RALGAPA2: variants seen among roughly 807,000 people sequenced by gnomAD.
The protein encoded by RALGAPA2 is Ral GTPase activating protein catalytic subunit alpha 2.
RALGAPA2 carries 139 observed loss-of-function variants against 230.4 expected under a neutral mutation model. That is an observed-to-expected ratio of 0.60 (90% CI 0.53 to 0.69). RALGAPA2 has a LOEUF of 0.69. Among genes scored for constraint, RALGAPA2 ranks in the 30% least tolerant of loss-of-function variants. The probability of loss-of-function intolerance (pLI) is 0.00; values close to 1 mark genes in which losing one functional copy is unlikely to be tolerated. For synonymous variants in RALGAPA2, 847 were observed against 837.8 expected, an observed-to-expected ratio of 1.01 and a Z score of -0.19; for missense variants, 2,163 against 2,276.0, an observed-to-expected ratio of 0.95 and a Z score of 1.01.
chr20:20,617,656 A>C (rs949879744), intron 12 of RALGAPA2, among the ~76,000 whole-genome samples: 4 of 152,320 alleles, frequency 2.6e-5, no homozygotes, highest in Admixed American at 1.3e-4. Context: ...ATTTCTTATT[A>C]ATGTGCTGGT....
Position 20,389,903 on chromosome 20 carries a change from A to T in RALGAPA2, c.*3386T>A, listed in dbSNP as rs549176636. On this transcript the variant is annotated 3_prime_UTR_variant, in exon 40 of 40. Coordinates refer to ENST00000202677, the MANE Select transcript of RALGAPA2 (RefSeq NM_020343.4). ...TAACTTAATTTACCATATTTATCAA[A>T]TTTTTTCCTTATTTACATGTACTAA... The T allele has an allele frequency of 1.3e-5, 2 of 152,192 alleles. No homozygotes were observed. The highest frequency in any genetic ancestry group is 4.2e-4 in the South Asian group (2 of 4,814). The allele number at this position is 152,192 out of a possible 1,614,324, so 9.4% of individuals were successfully genotyped here.
chr20:20,627,806 T>TA (rs2066538091), intron 10 of RALGAPA2, among the ~76,000 whole-genome samples: 1 of 152,202 alleles, frequency 6.6e-6, no homozygotes, highest in Admixed American at 6.5e-5. Context: ...TTAATGAAAT[T>TA]AATGTTTTTA....
intron 38 of RALGAPA2, among the ~76,000 whole-genome samples, chr20:20,405,933 A>C (rs1266338111): frequency 6.6e-6 from 1 of 152,278 alleles, no homozygotes; most frequent in Non-Finnish European, 1.5e-5. Flanking sequence ...CCTCCTTTCT[A>C]TTCACTCCTG....
chr20:20,548,324 T>TA (rs1241266848), intron 23 of RALGAPA2, among the ~76,000 whole-genome samples: 1 of 152,210 alleles, frequency 6.6e-6, no homozygotes, highest in Admixed American at 6.5e-5. Flanking sequence ...CTTATCTTCC[T>TA]AAAAAACTTT....
intron 5 of RALGAPA2, among the ~76,000 whole-genome samples, chr20:20,642,606 G>A (rs1214977661): frequency 6.6e-6 from 1 of 152,142 alleles, no homozygotes; most frequent in African/African-American, 2.4e-5. Context: ...TATGTTAACT[G>A]TATTTAAGAG....
chr20:20,578,147 C>A (rs1177207497), intron 20 of RALGAPA2, among the ~76,000 whole-genome samples: 1 of 152,084 alleles, frequency 6.6e-6, no homozygotes, highest in Non-Finnish European at 1.5e-5. Flanking sequence ...TTCTGAGATG[C>A]CTGTATGAGT....
At chr20:20,665,039 T>C (rs1219965028) in intron 3 of RALGAPA2, among the ~76,000 whole-genome samples, 1 of 152,120 alleles carries the variant, frequency 6.6e-6, no homozygotes, top group Non-Finnish European at 1.5e-5. Context: ...AAACAAGTAA[T>C]AGACTTATAA....
intron 37 of RALGAPA2, among the ~76,000 whole-genome samples, chr20:20,442,254 A>G (rs917454610): frequency 1.3e-5 from 2 of 152,270 alleles, no homozygotes; most frequent in Non-Finnish European, 1.5e-5. Context: ...TAAAATATTT[A>G]TCACATCGTA....
At chr20:20,458,593 G>A (rs6035631) in intron 37 of RALGAPA2, among the ~76,000 whole-genome samples, 7,287 of 122,420 alleles carry the variant, frequency 0.06, 425 homozygotes, top group African/African-American at 0.14. Flanking sequence ...AATACAATAA[G>A]AAATATATGA....
chr20:20,617,329 G>A (rs556783642), intron 12 of RALGAPA2, among the ~76,000 whole-genome samples: 6 of 152,218 alleles, frequency 3.9e-5, no homozygotes, highest in Admixed American at 6.5e-5. Flanking sequence ...AGATTAAAAC[G>A]TATTATGTCC....
At chr20:20,599,844 A>ACG (rs1174442783) in intron 16 of RALGAPA2, among the ~76,000 whole-genome samples, 1 of 151,998 alleles carries the variant, frequency 6.6e-6, no homozygotes, top group African/African-American at 2.4e-5. Context: ...ATGGTGGTGC[A>ACG]TGCCTGTAAT....
At chr20:20,510,957 G>C (rs941019667) in intron 33 of RALGAPA2, among the ~76,000 whole-genome samples, 1 of 152,186 alleles carries the variant, frequency 6.6e-6, no homozygotes, top group Admixed American at 6.5e-5. Flanking sequence ...TTCATCATAA[G>C]GAGGTGGTTG....
chr20:20,642,256 G>A (rs2067065932), intron 5 of RALGAPA2, among the ~76,000 whole-genome samples: 1 of 151,878 alleles, frequency 6.6e-6, no homozygotes, highest in Non-Finnish European at 1.5e-5. Context: ...TGTTGCCCAG[G>A]CTGGAGTGCA....
chr20:20,699,110 AC>A (rs1426527498), intron 1 of RALGAPA2, among the ~76,000 whole-genome samples: 15 of 151,902 alleles, frequency 9.9e-5, no homozygotes, highest in Non-Finnish European at 2.1e-4. Flanking sequence ...TTTATTTATC[AC>A]AATTTTTCTG....
chr20:20,569,576 A>C (rs2064557586), intron 23 of RALGAPA2, among the ~76,000 whole-genome samples: 2 of 152,162 alleles, frequency 1.3e-5, no homozygotes, highest in Admixed American at 1.3e-4. Context: ...ATGTAAAAAC[A>C]ATTTTAAGCA....
In RALGAPA2 at chr20:20,624,117, A is replaced by G. The variant is rs1378638258; in HGVS notation, c.1234-3487T>C. Among the ~76,000 whole-genome samples the G allele has an allele frequency of 3.3e-5, 5 of 152,172 alleles. No homozygotes were observed. In the South Asian group the frequency reaches 8.3e-4, roughly 25 times the overall value. On this transcript the variant is annotated intron_variant, in intron 10 of 39. Coordinates refer to ENST00000202677, the MANE Select transcript of RALGAPA2 (RefSeq NM_020343.4). ...CAAGGCGGGTGGATCACCTGAGGTCAGGAGTTCGAGACCAGCTTGGCCAAC... is the reference window on the plus strand; with the variant it reads ...CAAGGCGGGTGGATCACCTGAGGTCGGGAGTTCGAGACCAGCTTGGCCAAC...
intron 3 of RALGAPA2, chr20:20,659,825 G>A: frequency 2.6e-6 from 2 of 782,462 alleles, no homozygotes; most frequent in South Asian, 2.6e-5. Context: ...AAGAATCAGA[G>A]CAGCAGCAAG....
At chr20:20,411,545 A>G (rs1358480131) in intron 38 of RALGAPA2, among the ~76,000 whole-genome samples, 2 of 152,228 alleles carry the variant, frequency 1.3e-5, no homozygotes, top group African/African-American at 4.8e-5. Context: ...AGAGACACGC[A>G]CACTGCACTG....
chr20:20,400,480 T>C (rs762211414), intron 38 of RALGAPA2, among the ~76,000 whole-genome samples: 25 of 152,290 alleles, frequency 1.6e-4, no homozygotes, highest in Non-Finnish European at 2.9e-4. Context: ...AAAATTTTCC[T>C]GGCATTTTTT....
Sources: gnomAD v4.1 joint callset for allele counts (sites outside exome capture counted in the v4.1 genomes callset) on GRCh38, gnomAD v4.1.1 for gene constraint, MANE v1.5 for transcripts, NCBI Gene and HGNC (gene_info 2026-07-23, HGNC 2026-07-21) for gene names.